Variants in SLAMF7 observed in about 807,000 individuals in gnomAD.
SLAMF7 encodes 19A24 protein.
Under a neutral mutation model 34.1 loss-of-function variants are expected in SLAMF7, and 26 were observed. The observed-to-expected ratio is 0.76, with a 90% CI of 0.56 to 1.06. The LOEUF (loss-of-function observed/expected upper bound fraction) is 1.06, where lower values mean the gene tolerates loss of function less well. Ranked by LOEUF, SLAMF7 falls within the 50% of genes least tolerant of loss-of-function variation. The pLI is 0.00. For synonymous variants in SLAMF7, 171 were observed against 156.4 expected (o/e 1.09, Z -0.70); for missense variants, 399 against 402.5 (o/e 0.99, Z 0.07).
intron 1 of SLAMF7, among the ~76,000 whole-genome samples, chr1:160,740,878 T>C (rs1331825628): frequency 6.6e-6 from 1 of 152,208 alleles, no homozygotes; most frequent in East Asian, 1.9e-4. Flanking sequence ...TTGGGCAAGA[T>C]AACACAGCAT....
chr1:160,740,811 T>C (rs549960489), intron 1 of SLAMF7, among the ~76,000 whole-genome samples: 11 of 152,352 alleles, frequency 7.2e-5, no homozygotes, highest in African/African-American at 2.6e-4. Context: ...AAGACAGATA[T>C]CATTATCCCT....
intron 2 of SLAMF7, among the ~76,000 whole-genome samples, chr1:160,749,162 C>G (rs1664359219): frequency 6.6e-6 from 1 of 152,162 alleles, no homozygotes; most frequent in Non-Finnish European, 1.5e-5. Flanking sequence ...TGCACCTGAT[C>G]CAGGTGTGTC....
intron 5 of SLAMF7, chr1:160,751,887 TATATATATATATATACAC>T (rs1558060940): frequency 1.2e-4 from 15 of 125,664 alleles, no homozygotes; most frequent in African/African-American, 4.5e-4. Flanking sequence ...TATATATATA[TATATATATATATATACAC>T]ACACATATAT....
intron 1 of SLAMF7, among the ~76,000 whole-genome samples, 158 bp from the exon 2 acceptor site, chr1:160,748,036 A>G (rs1054244126): frequency 2.0e-5 from 3 of 152,192 alleles, no homozygotes; most frequent in Admixed American, 2.0e-4. Flanking sequence ...ATAGGGTAAC[A>G]TGTGAGGGAC....
intron 1 of SLAMF7, 70 bp from the exon 2 acceptor site, chr1:160,748,124 C>A: frequency 6.6e-7 from 1 of 1,515,922 alleles, no homozygotes; most frequent in Non-Finnish European, 9.0e-7. Flanking sequence ...TCTCCAGGAC[C>A]CAAAGGGGGT....
At chr1:160,750,845 AC>A (rs1336236706) in intron 4 of SLAMF7, 9 of 213,452 alleles carry the variant, frequency 4.2e-5, no homozygotes, top group African/African-American at 1.6e-4. Flanking sequence ...AACCACCCAC[AC>A]CCTTTCCACA....
chr1:160,751,895 TATATATACAC>T (rs1558060974), intron 5 of SLAMF7: 2 of 123,880 alleles, frequency 1.6e-5, no homozygotes, highest in African/African-American at 6.5e-5. Flanking sequence ...TATATATATA[TATATATACAC>T]ACACATATAT....
rs771551465 is a variant in SLAMF7 at position 160,752,173 on chromosome 1, T to A, written c.874-13T>A. The A allele has an allele frequency of 8.1e-6, 13 of 1,609,254 alleles. No individual in the cohort carries two copies. The highest frequency in any genetic ancestry group is 1.1e-5 in the Non-Finnish European group (13 of 1,176,100). On this transcript the variant is annotated splice_polypyrimidine_tract_variant and intron_variant, in intron 5 of 6. Transcript: ENST00000368043. ...GGTGATGATTTCTTTTGTTTGTTGT[T>A]TGTTTTTAAAAGAGAACAATCCTAA...
In SLAMF7 at chr1:160,752,214, A is replaced by G. The variant is rs1254965578; in HGVS notation, c.902A>G (p.Asn301Ser). 1.2e-6 allele frequency: 2 copies of G among 1,613,376 alleles called. No individual in the cohort carries two copies. Among genetic ancestry groups the G allele is most frequent in the Non-Finnish European group, 1.7e-6 (2 of 1,179,620 alleles). The change falls in exon 6 of 7, where the codon AAT becomes AGT. Residue 301 changes from asparagine to serine, a missense_variant. Physicochemically the swap from Asn to Ser is conservative, Grantham distance 46 (BLOSUM62 1). Transcript: ENST00000368043. The part of the protein sequence containing the change: ...NRTILKEDPA[N>S]TVYSTVEIPK... Reference sequence around the variant, plus strand: ...ACAATCCTAAAGGAAGATCCAGCAAATACGGTTTACTCCACTGTGGAAATA... The same window carrying G: ...ACAATCCTAAAGGAAGATCCAGCAAGTACGGTTTACTCCACTGTGGAAATA...
intron 2 of SLAMF7, among the ~76,000 whole-genome samples, chr1:160,749,195 G>A (rs1255461979): frequency 6.6e-6 from 1 of 152,162 alleles, no homozygotes; most frequent in Admixed American, 6.5e-5. Context: ...ATGGTTGAAG[G>A]GAACAGAAGA....
At position 160,749,872 on chromosome 1, in the gene SLAMF7, G is replaced by T; in HGVS notation, c.428G>T (p.Gly143Val). 1.2e-6 allele frequency: 2 copies of T among 1,613,774 alleles called. No individual in the cohort carries two copies. Among genetic ancestry groups the T allele is most frequent in the Non-Finnish European group, 1.7e-6 (2 of 1,179,794 alleles). ...ATGGGTCTGCAGAGCAATAAGAATG[G>T]CACCTGTGTGACCAATCTGACATGC... ...VTMGLQSNKN[G>V]TCVTNLTCCM... The change falls in exon 3 of 7, where the codon GGC (glycine) becomes GTC (valine). Residue 143 changes from glycine (G) to valine (V), a missense_variant. Physicochemically the swap from Gly to Val is moderately radical, Grantham distance 109. Coordinates refer to ENST00000368043, the MANE Select transcript of SLAMF7 (RefSeq NM_021181.5).
chr1:160,750,533 T>C (rs1188093848), intron 4 of SLAMF7, 110 bp downstream of exon 4: 2 of 1,331,998 alleles, frequency 1.5e-6, no homozygotes, highest in Non-Finnish European at 2.1e-6. Context: ...GTGTTGAAGA[T>C]GCAGAGATGA....
At chr1:160,750,135 C>T in intron 3 of SLAMF7, 42 bp downstream of exon 3, 1 of 1,598,016 alleles carries the variant, frequency 6.3e-7, no homozygotes, top group Non-Finnish European at 8.5e-7. Flanking sequence ...CTGCCCAGGT[C>T]CTACACCTTC....
At chr1:160,742,056 C>A (rs563348546) in intron 1 of SLAMF7, among the ~76,000 whole-genome samples, 1 of 152,070 alleles carries the variant, frequency 6.6e-6, no homozygotes, top group African/African-American at 2.4e-5. Flanking sequence ...ACTCTCCCCT[C>A]CCCCAAAGTC....
Position 160,751,401 on chromosome 1 carries a change from C to T in SLAMF7, c.826C>T (p.Pro276Ser). 6.2e-7 allele frequency: 1 copy of T among 1,613,916 alleles called. No homozygotes were observed. The highest frequency in any genetic ancestry group is 8.5e-7 in the Non-Finnish European group (1 of 1,179,892). ...TTGTCGGGAAACTCCTAACATATGC[C>T]CCCATTCTGGAGAGAACACAGAGTA... ...DICRETPNIC[P>S]HSGENTEYDT... The change falls in exon 5 of 7, where the codon CCC (proline) becomes TCC (serine). Residue 276 changes from proline to serine, a missense_variant. Pro to Ser is a moderately conservative substitution (Grantham distance 74). Coordinates refer to ENST00000368043, the MANE Select transcript of SLAMF7 (RefSeq NM_021181.5).
intron 4 of SLAMF7, chr1:160,750,870 A>G (rs974904237): frequency 4.5e-6 from 1 of 223,368 alleles, no homozygotes; most frequent in African/African-American, 2.3e-5. Flanking sequence ...TCAACCCAAG[A>G]CCTCGCTTTA....
Position 160,752,187 on chromosome 1 carries a change from G to A in SLAMF7, c.875G>A (p.Arg292Lys). The A allele has an allele frequency of 6.2e-7, 1 of 1,611,988 alleles. No individual in the cohort carries two copies. The highest frequency in any genetic ancestry group is 8.5e-7 in the Non-Finnish European group (1 of 1,178,714). ...TTGTTTGTTGTTTGTTTTTAAAAGAGAACAATCCTAAAGGAAGATCCAGCA... is the reference window on the plus strand; with the variant it reads ...TTGTTTGTTGTTTGTTTTTAAAAGAAAACAATCCTAAAGGAAGATCCAGCA... ...TEYDTIPHTN[R>K]TILKEDPANT... The change falls in exon 6 of 7, where the codon AGA (arginine) becomes AAA (lysine). Residue 292 changes from arginine (R) to lysine (K), a missense_variant and splice_region_variant. By Grantham distance (26) the Arg-to-Lys change is conservative. Transcript: ENST00000368043.
intron 2 of SLAMF7, among the ~76,000 whole-genome samples, chr1:160,749,527 G>A (rs150253406): frequency 1.3e-4 from 20 of 152,330 alleles, no homozygotes; most frequent in South Asian, 1.0e-3. Flanking sequence ...TCTAACATGC[G>A]TTATCACAGT....
Position 160,753,406 on chromosome 1 carries a change from C to A in SLAMF7, c.*229C>A. 1.9e-6 allele frequency: 1 copy of A among 528,634 alleles called. No homozygotes were observed. The highest frequency in any genetic ancestry group is 2.8e-5 in the South Asian group (1 of 35,822). 32.7% of individuals were successfully genotyped at this position (528,634 alleles called of 1,614,324 possible). A position where few individuals can be genotyped will look rare whatever the true frequency, so the allele number is the denominator to read the frequency against. ...CCCAGAAGGTTTAATCACTTCATCC[C>A]AAAAATGGGATTGTGAATGTCAGCA... On this transcript the variant is annotated 3_prime_UTR_variant, in exon 7 of 7. Coordinates refer to ENST00000368043, the MANE Select transcript of SLAMF7 (RefSeq NM_021181.5).
Sources: gnomAD v4.1 joint callset for allele counts (sites outside exome capture counted in the v4.1 genomes callset) on GRCh38, gnomAD v4.1.1 for gene constraint, MANE v1.5 for transcripts, NCBI Gene and HGNC (gene_info 2026-07-23, HGNC 2026-07-21) for gene names.